The following PEPD variants were observed in gnomAD, a reference collection of about 807,000 sequenced individuals.
PEPD encodes the protein xaa-Pro dipeptidase.
In PEPD, 53 loss-of-function variants were observed where a neutral mutation model predicts 60.7. The ratio of observed to expected loss-of-function variants is 0.87; its 90% CI spans 0.70 to 1.10. The LOEUF is 1.10. Among genes scored for constraint, PEPD ranks in the 50% least tolerant of loss-of-function variants. The pLI is 0.00. For missense variants in PEPD, 711 were observed against 711.9 expected, an observed-to-expected ratio of 1.00 and a Z score of 0.01; for synonymous variants, 267 against 284.1, an observed-to-expected ratio of 0.94 and a Z score of 0.60.
chr19:33,411,815 G>A (rs1234172166), intron 10 of PEPD, 66 bp from the exon 11 acceptor site: 4 of 957,494 alleles, frequency 4.2e-6, no homozygotes, highest in African/African-American at 1.6e-5. Context: ...AGGAGGGGGT[G>A]GATGCTCGAT....
chr19:33,475,554 C>A (rs535814395), intron 7 of PEPD, among the ~76,000 whole-genome samples: 11 of 152,134 alleles, frequency 7.2e-5, no homozygotes, highest in African/African-American at 2.7e-4. Flanking sequence ...TGCTTAGGAA[C>A]GCGGGCTCGA....
chr19:33,469,384 C>T (rs1257290711), intron 7 of PEPD, among the ~76,000 whole-genome samples: 2 of 152,220 alleles, frequency 1.3e-5, no homozygotes, highest in Admixed American at 1.3e-4. Context: ...GCAGGGGAAC[C>T]CGCAGGAGGG....
At chr19:33,441,623 T>C (rs1416714613) in intron 9 of PEPD, among the ~76,000 whole-genome samples, 1 of 152,188 alleles carries the variant, frequency 6.6e-6, no homozygotes, top group South Asian at 2.1e-4. Context: ...GAGCGCCTGC[T>C]GTATGCCTGA....
intron 6 of PEPD, among the ~76,000 whole-genome samples, chr19:33,486,085 C>T (rs1970392694): frequency 6.6e-6 from 1 of 152,120 alleles, no homozygotes; most frequent in Non-Finnish European, 1.5e-5. Context: ...GGAAAACCTG[C>T]CCTAACGTCT....
chr19:33,474,848 C>T (rs967136413), intron 7 of PEPD, among the ~76,000 whole-genome samples: 1 of 151,798 alleles, frequency 6.6e-6, no homozygotes, highest in African/African-American at 2.4e-5. Context: ...GATGTGGTGG[C>T]GTGTACCTGG....
intron 4 of PEPD, among the ~76,000 whole-genome samples, chr19:33,495,947 C>A (rs1970594591): frequency 6.6e-6 from 1 of 152,072 alleles, no homozygotes; most frequent in African/African-American, 2.4e-5. Flanking sequence ...CGCCACTGCA[C>A]CCCAGCCTGG....
chr19:33,505,888 CACT>C (rs1386738120), intron 3 of PEPD, among the ~76,000 whole-genome samples: 2 of 131,678 alleles, frequency 1.5e-5, no homozygotes, highest in Non-Finnish European at 3.5e-5. Flanking sequence ...ACACCCTACA[CACT>C]ACTTACACAC....
intron 12 of PEPD, among the ~76,000 whole-genome samples, chr19:33,400,178 G>A (rs1021465339): frequency 6.6e-6 from 1 of 152,196 alleles, no homozygotes; most frequent in Non-Finnish European, 1.5e-5. Context: ...GGCAGTGGGC[G>A]AGGGTGGGGG....
At chr19:33,510,946 C>T in intron 3 of PEPD, 82 bp downstream of exon 3, 1 of 1,453,708 alleles carries the variant, frequency 6.9e-7, no homozygotes, top group Non-Finnish European at 9.4e-7. Context: ...CCAGGCCCAA[C>T]CCAGCTCTCT....
intron 9 of PEPD, among the ~76,000 whole-genome samples, chr19:33,448,382 TAAA>T (rs1969632209): frequency 6.6e-6 from 1 of 152,194 alleles, no homozygotes; most frequent in East Asian, 1.9e-4. Flanking sequence ...CCTGCCCAGC[TAAA>T]CACCCTCCCA....
intron 12 of PEPD, among the ~76,000 whole-genome samples, chr19:33,397,678 C>T (rs751536586): frequency 6.6e-6 from 1 of 151,644 alleles, no homozygotes; most frequent in Non-Finnish European, 1.5e-5. Flanking sequence ...TGGGTCTGGG[C>T]AGCAAAGCCC....
At chr19:33,399,723 G>A (rs761464447) in intron 12 of PEPD, among the ~76,000 whole-genome samples, 19 of 152,182 alleles carry the variant, frequency 1.2e-4, no homozygotes, top group Non-Finnish European at 2.2e-4. Flanking sequence ...GTCGACCGCC[G>A]AGCCATCAAG....
chr19:33,495,740 T>C (rs1244097616), intron 4 of PEPD, among the ~76,000 whole-genome samples: 1 of 151,808 alleles, frequency 6.6e-6, no homozygotes, highest in Non-Finnish European at 1.5e-5. Flanking sequence ...ATCCCAGCAC[T>C]TTGGGAAGGC....
rs931733912 is a variant in PEPD, at chr19:33,391,375, G to A, written c.1072C>T (p.His358Tyr). 1.7e-5 allele frequency: 27 copies of A among 1,607,398 alleles called. No homozygotes were observed. In the Admixed American group the frequency reaches 3.9e-4, roughly 23 times the overall value. Residue 358 changes from histidine (H) to tyrosine (Y), a missense_variant, in exon 13 of 15, where the codon CAC (histidine) becomes TAC (tyrosine). Transcript: ENST00000244137. The stretch of plus-strand genomic sequence containing the variant: ...TGAGGCATAAACACGGCCCCCAGGT[G>A]AGCCTGGACCATGGCGTCCACGCTG... The part of the protein sequence containing the change: ...SGSVDAMVQA[H>Y]LGAVFMPHGL...
At chr19:33,502,908 C>T (rs1202157677) in intron 3 of PEPD, among the ~76,000 whole-genome samples, 2 of 139,448 alleles carry the variant, frequency 1.4e-5, no homozygotes, top group African/African-American at 5.5e-5. Context: ...ATGGCAACAA[C>T]CTGGACAACT....
At position 33,511,102 on chromosome 19, in the gene PEPD, G is replaced by A. The variant is rs1190404458; in HGVS notation, c.255C>T (p.Val85=). The change falls in exon 3 of 15, where the codon GTC becomes GTT. Residue 85 remains valine, a synonymous_variant. Coordinates refer to ENST00000244137, the MANE Select transcript of PEPD (RefSeq NM_000285.4). ...TCGACTTCCCAGTGTCAACATCGAT[G>A]ACACCATAGCAGCCTGGCTCAGTGA... ...FGVTEPGCYG[V]IDVDTGKSTL... 24 of 1,613,970 alleles carry A rather than the reference G, an allele frequency of 1.5e-5. No homozygotes were observed. The highest frequency in any genetic ancestry group is 2.0e-5 in the Non-Finnish European group (24 of 1,179,860).
chr19:33,459,372 G>A (rs1248192439), intron 9 of PEPD, among the ~76,000 whole-genome samples: 5 of 152,186 alleles, frequency 3.3e-5, no homozygotes, highest in African/African-American at 4.8e-5. Flanking sequence ...GCTGGGACTC[G>A]CTTACACAGC....
rs144164513 is a variant in PEPD at position 33,505,543 on chromosome 19, A to G, written c.330-4542T>C. ...CTTCTCAGAGGCCTGCACGGCAAAG[A>G]GGGCCCCCGACACCCTGCCAATCAC... On this transcript the variant is annotated intron_variant, in intron 3 of 14. Transcript: ENST00000244137. Among the ~76,000 whole-genome samples the G allele has an allele frequency of 1.9e-3, 283 of 152,070 alleles. 2 individuals are homozygous for G. The highest frequency in any genetic ancestry group is 6.2e-3 in the African/African-American group (258 of 41,436).
At chr19:33,482,188 C>T (rs1970323705) in intron 6 of PEPD, among the ~76,000 whole-genome samples, 1 of 152,066 alleles carries the variant, frequency 6.6e-6, no homozygotes, top group Admixed American at 6.5e-5. Flanking sequence ...AATTTTTCAA[C>T]AAAACACTAG....
Sources: allele counts gnomAD v4.1 joint callset (sites outside exome capture counted in the v4.1 genomes callset), GRCh38; gene constraint gnomAD v4.1.1; transcripts MANE v1.5; gene names NCBI Gene and HGNC (gene_info 2026-07-23, HGNC 2026-07-21).